Variants in LDLRAD4 observed in about 807,000 individuals in gnomAD.
The protein encoded by LDLRAD4 is low-density lipoprotein receptor class A domain-containing protein 4.
A neutral mutation model predicts 17.0 loss-of-function variants in LDLRAD4; 5 were observed. The observed-to-expected ratio is 0.29, with a 90% confidence interval of 0.15 to 0.62. The LOEUF (loss-of-function observed/expected upper bound fraction) is 0.62, where lower values mean the gene tolerates loss of function less well. Among genes scored for constraint, LDLRAD4 ranks in the 20% least tolerant of loss-of-function variants. The pLI, the probability that LDLRAD4 is intolerant of heterozygous loss-of-function variation, is 0.84. For missense variants in LDLRAD4, 340 were observed against 424.7 expected (o/e 0.80, Z 1.75); for synonymous variants, 168 against 171.8 (o/e 0.98, Z 0.17).
At chr18:13,443,561 T>C (rs1600307866) in intron 3 of LDLRAD4, among the ~76,000 whole-genome samples, 2 of 152,164 alleles carry the variant, frequency 1.3e-5, no homozygotes, top group Non-Finnish European at 2.9e-5. Flanking sequence ...TGTGTTTCGG[T>C]TTGTTCTGTT....
chr18:13,444,671 G>A (rs2091267126), intron 3 of LDLRAD4, among the ~76,000 whole-genome samples: 1 of 152,180 alleles, frequency 6.6e-6, no homozygotes, highest in Admixed American at 6.5e-5. Context: ...AGCATCCTAT[G>A]AGCATGGCTG....
intron 1 of LDLRAD4, among the ~76,000 whole-genome samples, chr18:13,374,229 G>T (rs1300226517): frequency 1.3e-5 from 2 of 152,126 alleles, no homozygotes; most frequent in African/African-American, 4.8e-5. Flanking sequence ...TCCCAGCCCT[G>T]ACCCCACACA....
chr18:13,586,332 G>A (rs574841687), intron 3 of LDLRAD4, among the ~76,000 whole-genome samples: 19 of 143,588 alleles, frequency 1.3e-4, no homozygotes, highest in Admixed American at 3.0e-4. Flanking sequence ...GCTTGAACCC[G>A]GGAGGCGGAG....
intron 1 of LDLRAD4, among the ~76,000 whole-genome samples, chr18:13,382,209 C>A (rs2085422209): frequency 1.3e-5 from 2 of 152,240 alleles, no homozygotes; most frequent in South Asian, 4.1e-4. Flanking sequence ...TGTTTCACTT[C>A]TCCATTGGAT....
intron 1 of LDLRAD4, among the ~76,000 whole-genome samples, chr18:13,254,315 C>G (rs2043386547): frequency 6.6e-6 from 1 of 152,174 alleles, no homozygotes; most frequent in Non-Finnish European, 1.5e-5. Context: ...TTTTCTGAGG[C>G]TGAGTGGGAT....
intron 2 of LDLRAD4, among the ~76,000 whole-genome samples, chr18:13,403,451 A>G (rs1181996233): frequency 6.6e-6 from 1 of 152,206 alleles, no homozygotes; most frequent in East Asian, 1.9e-4. Context: ...TCCATCTGAG[A>G]ACAGATAGCA....
chr18:13,458,120 A>G (rs1488026385), intron 3 of LDLRAD4, among the ~76,000 whole-genome samples: 1 of 152,122 alleles, frequency 6.6e-6, no homozygotes, highest in Non-Finnish European at 1.5e-5. Flanking sequence ...GACCAAGACT[A>G]CAGCCTGCAG....
intron 1 of LDLRAD4, among the ~76,000 whole-genome samples, chr18:13,320,576 CAGCCTGTA>C (rs1427969730): frequency 1.1e-4 from 17 of 152,124 alleles, no homozygotes; most frequent in African/African-American, 4.1e-4. Flanking sequence ...ACAGAGAGCT[CAGCCTGTA>C]AGAAGGTGGC....
chr18:13,380,465 C>T (rs2085268939), intron 1 of LDLRAD4, among the ~76,000 whole-genome samples: 1 of 152,212 alleles, frequency 6.6e-6, no homozygotes, highest in Non-Finnish European at 1.5e-5. Flanking sequence ...TTCAACCTGT[C>T]CCCTCTCCCT....
At chr18:13,364,340 T>C (rs962035422) in intron 1 of LDLRAD4, among the ~76,000 whole-genome samples, 3 of 151,970 alleles carry the variant, frequency 2.0e-5, no homozygotes, top group African/African-American at 7.3e-5. Context: ...ATGTATTATT[T>C]GATTTTTTTT....
intron 2 of LDLRAD4, chr18:13,419,616 T>C (rs1160040312): frequency 1.3e-5 from 2 of 152,182 alleles, no homozygotes; most frequent in African/African-American, 4.8e-5. Flanking sequence ...CCAGAAAGGT[T>C]AAGTCACTTT....
At chr18:13,530,823 G>A (rs2094115630) in intron 3 of LDLRAD4, among the ~76,000 whole-genome samples, 1 of 120,222 alleles carries the variant, frequency 8.3e-6, no homozygotes, top group Non-Finnish European at 1.6e-5. Context: ...GGGGGCATGA[G>A]AACCATAGCA....
At chr18:13,369,731 T>C (rs1201627212) in intron 1 of LDLRAD4, among the ~76,000 whole-genome samples, 1 of 152,198 alleles carries the variant, frequency 6.6e-6, no homozygotes, top group Non-Finnish European at 1.5e-5. Context: ...TGAGTAAATA[T>C]TGAGAGTGAA....
At chr18:13,565,453 C>T (rs1191041426) in intron 3 of LDLRAD4, among the ~76,000 whole-genome samples, 1 of 152,238 alleles carries the variant, frequency 6.6e-6, no homozygotes, top group Non-Finnish European at 1.5e-5. Context: ...GACAAAGGGG[C>T]GCTGCGGTCC....
intron 3 of LDLRAD4, among the ~76,000 whole-genome samples, chr18:13,463,480 G>T (rs1174987529): frequency 6.6e-6 from 1 of 152,178 alleles, no homozygotes; most frequent in Admixed American, 6.5e-5. Flanking sequence ...TGTTATTTTT[G>T]TGCTCAAACA....
At chr18:13,525,224 T>G (rs1657831223) in intron 3 of LDLRAD4, among the ~76,000 whole-genome samples, 2 of 152,312 alleles carry the variant, frequency 1.3e-5, no homozygotes, top group South Asian at 4.1e-4. Context: ...AGCAAATGAC[T>G]TAATGTCCAA....
At chr18:13,381,597 C>T (rs2085371182) in intron 1 of LDLRAD4, among the ~76,000 whole-genome samples, 1 of 152,194 alleles carries the variant, frequency 6.6e-6, no homozygotes, top group Admixed American at 6.5e-5. Flanking sequence ...ATTTGTAGCA[C>T]CTCCTTTTCT....
intron 2 of LDLRAD4, among the ~76,000 whole-genome samples, chr18:13,418,484 G>T (rs189549786): frequency 1.8e-4 from 27 of 152,308 alleles, no homozygotes; most frequent in African/African-American, 6.3e-4. Context: ...TGAAGACTCT[G>T]GTTGTGTTTT....
At chr18:13,263,307 C>T (rs529767435) in intron 1 of LDLRAD4, among the ~76,000 whole-genome samples, 1 of 151,798 alleles carries the variant, frequency 6.6e-6, no homozygotes, top group Non-Finnish European at 1.5e-5. Context: ...GAGTCCCATG[C>T]GGCTCTGTGT....
Sources: gnomAD v4.1 joint callset for allele counts (sites outside exome capture counted in the v4.1 genomes callset) on GRCh38, gnomAD v4.1.1 for gene constraint, MANE v1.5 for transcripts, NCBI Gene and HGNC (gene_info 2026-07-23, HGNC 2026-07-21) for gene names.